SLC12A2: variants seen among roughly 807,000 people sequenced by gnomAD.
SLC12A2 encodes Na-K-2Cl cotransporter 1.
SLC12A2 carries 67 observed loss-of-function variants against 136.3 expected under a neutral mutation model. The observed-to-expected ratio is 0.49, with a 90% CI of 0.40 to 0.60. The LOEUF is 0.60. Ranked by LOEUF, SLC12A2 falls within the 20% of genes least tolerant of loss-of-function variation. The pLI is 0.00. For synonymous variants in SLC12A2, 619 were observed against 562.9 expected (o/e 1.10, Z -1.41); for missense variants, 1,322 against 1,534.7 (o/e 0.86, Z 2.32).
intron 17 of SLC12A2, among the ~76,000 whole-genome samples, chr5:128,163,160 T>C (rs1370108949): frequency 6.6e-6 from 1 of 152,138 alleles, no homozygotes; most frequent in African/African-American, 2.4e-5. Context: ...CCTGCAAATT[T>C]GGTTTGAATA....
At position 128,132,320 on chromosome 5, in the gene SLC12A2, C is replaced by T. The variant is rs913155187; in HGVS notation, c.1188+1114C>T. ...ACTTGTGGAGCGGGAAAGATGTGGGCGAATTTGGGAGATTTTAAAGAATTT... is the reference window on the plus strand; with the variant it reads ...ACTTGTGGAGCGGGAAAGATGTGGGTGAATTTGGGAGATTTTAAAGAATTT... On this transcript the variant is annotated intron_variant, in intron 5 of 26. Transcript: ENST00000262461. Among the ~76,000 whole-genome samples the T allele has an allele frequency of 5.3e-5, 8 of 151,658 alleles. No homozygotes were observed. The East Asian group carries it at 7.8e-4, about 15-fold the overall frequency.
intron 6 of SLC12A2, among the ~76,000 whole-genome samples, chr5:128,135,228 T>C (rs1762147715): frequency 6.6e-6 from 1 of 152,092 alleles, no homozygotes. Flanking sequence ...TATTGTCATC[T>C]TCTTTCTGTA....
At chr5:128,186,083 G>A (rs1208520302) in intron 26 of SLC12A2, among the ~76,000 whole-genome samples, 1 of 151,930 alleles carries the variant, frequency 6.6e-6, no homozygotes, top group Non-Finnish European at 1.5e-5. Flanking sequence ...TATTTTTACT[G>A]TATCTTTTCT....
chr5:128,184,687 G>A (rs746100965), intron 25 of SLC12A2, 102 bp from the exon 26 acceptor site: 10 of 1,562,202 alleles, frequency 6.4e-6, no homozygotes, highest in South Asian at 4.8e-5. Context: ...TTTATTACAC[G>A]AAAATTCATT....
In SLC12A2 at chr5:128,186,423, T is replaced by A. The variant is rs564038871; in HGVS notation, c.3504-73T>A. ...ACTGTTATTGTAATCTACTTTATAA[T>A]TTTTGCTACATTTTATTCTGTAAAT... On this transcript the variant is annotated intron_variant, in intron 26 of 26. Transcript: ENST00000262461. 86 of 1,437,330 alleles carry A rather than the reference T, an allele frequency of 6.0e-5. No homozygotes were observed. In the East Asian group the frequency reaches 1.8e-3, roughly 30 times the overall value. 89.0% of individuals were successfully genotyped at this position (1,437,330 alleles called of 1,614,324 possible).
chr5:128,163,138 C>G (rs1164184564), intron 17 of SLC12A2, among the ~76,000 whole-genome samples: 2 of 152,136 alleles, frequency 1.3e-5, no homozygotes, highest in Non-Finnish European at 2.9e-5. Context: ...GGAAAGCAAC[C>G]TGGCAAAATG....
At position 128,186,926 on chromosome 5, in the gene SLC12A2, T is replaced by C. The variant is rs1763887848; in HGVS notation, c.*295T>C. 1 of 232,248 alleles carries C rather than the reference T, an allele frequency of 4.3e-6. No individual in the cohort carries two copies. Among genetic ancestry groups the C allele is most frequent in the African/African-American group, 2.3e-5 (1 of 44,418 alleles). The allele number at this position is 232,248 out of a possible 1,614,324, so 14.4% of individuals were successfully genotyped here. A position where few individuals can be genotyped will look rare whatever the true frequency, so the allele number is the denominator to read the frequency against. On this transcript the variant is annotated 3_prime_UTR_variant, in exon 27 of 27. Coordinates refer to ENST00000262461, the MANE Select transcript of SLC12A2 (RefSeq NM_001046.3). ...AATAAAAGCGTGTTAACTTTTTGAT[T>C]GATGAAAGAAGTACAAAAAGCCTTT...
chr5:128,171,383 T>C (rs1357530064), intron 18 of SLC12A2, among the ~76,000 whole-genome samples: 1 of 152,112 alleles, frequency 6.6e-6, no homozygotes, highest in Non-Finnish European at 1.5e-5. Context: ...TTTAACTTAG[T>C]AGGATAAAAA....
At chr5:128,174,502 A>G (rs1763480656) in intron 19 of SLC12A2, 39 bp from the exon 20 acceptor site, 1 of 1,481,272 alleles carries the variant, frequency 6.8e-7, no homozygotes, top group East Asian at 2.4e-5. Flanking sequence ...CAGTTAAAAT[A>G]TGACTTAGAT....
intron 4 of SLC12A2, among the ~76,000 whole-genome samples, chr5:128,126,966 A>ATATATATATATATATATATAATTTTTT: frequency 4.7e-5 from 1 of 21,158 alleles, no homozygotes; most frequent in African/African-American, 2.5e-4. Flanking sequence ...ATATATATAT[A>ATATATATATATATATATATAATTTTTT]TTTTTTTTTT....
chr5:128,160,308 C>A (rs1387450197), intron 16 of SLC12A2, among the ~76,000 whole-genome samples: 1 of 152,040 alleles, frequency 6.6e-6, no homozygotes, highest in East Asian at 1.9e-4. Flanking sequence ...TTGATGGGTG[C>A]AGCAAACCAC....
chr5:128,117,156 A>C (rs1299057148), intron 4 of SLC12A2, among the ~76,000 whole-genome samples: 1 of 152,188 alleles, frequency 6.6e-6, no homozygotes, highest in Non-Finnish European at 1.5e-5. Flanking sequence ...TAGAGAAAAA[A>C]TTGATTCCTT....
At chr5:128,141,273 T>C (rs888161627) in intron 9 of SLC12A2, among the ~76,000 whole-genome samples, 2 of 152,184 alleles carry the variant, frequency 1.3e-5, no homozygotes, top group African/African-American at 4.8e-5. Flanking sequence ...CTCTGCTCTA[T>C]GGGTTCTTTT....
chr5:128,137,458 G>A (rs1762222745), intron 7 of SLC12A2, among the ~76,000 whole-genome samples: 1 of 152,028 alleles, frequency 6.6e-6, no homozygotes, highest in South Asian at 2.1e-4. Context: ...CATTGAATTA[G>A]ATTCTCTCTC....
At position 128,100,327 on chromosome 5, in the gene SLC12A2, T is replaced by A. The variant is rs186612764; in HGVS notation, c.757-12487T>A. 1.9e-4 allele frequency among the ~76,000 whole-genome samples: 29 copies of A among 152,212 alleles called. 1 individual carries two copies. The East Asian group carries it at 5.4e-3, about 28-fold the overall frequency. On this transcript the variant is annotated intron_variant, in intron 1 of 26. Transcript: ENST00000262461. ...ACCTCTGACCCTCAGTTTCCTTATA[T>A]GAAAAATGGGAAAGGTGACAGAGCT... is the stretch of plus-strand genomic sequence containing the variant.
At chr5:128,089,411 A>G (rs917551856) in intron 1 of SLC12A2, among the ~76,000 whole-genome samples, 1 of 152,126 alleles carries the variant, frequency 6.6e-6, no homozygotes, top group African/African-American at 2.4e-5. Flanking sequence ...AAAAAATAGT[A>G]GTACAGCTCA....
At chr5:128,096,571 A>T (rs550128835) in intron 1 of SLC12A2, among the ~76,000 whole-genome samples, 2 of 152,206 alleles carry the variant, frequency 1.3e-5, no homozygotes, top group Admixed American at 1.3e-4. Context: ...AGTTTAAAAT[A>T]AAACCGTCAT....
chr5:128,163,585 A>G (rs1028368176), intron 17 of SLC12A2, among the ~76,000 whole-genome samples: 3 of 152,184 alleles, frequency 2.0e-5, no homozygotes, highest in Non-Finnish European at 4.4e-5. Context: ...AAGAATCGGA[A>G]GTAACAACCA....
At chr5:128,119,239 G>A (rs1761464339) in intron 4 of SLC12A2, among the ~76,000 whole-genome samples, 1 of 152,008 alleles carries the variant, frequency 6.6e-6, no homozygotes, top group Non-Finnish European at 1.5e-5. Flanking sequence ...AGTGATGTCT[G>A]GTGAACCCAT....
Sources: allele counts gnomAD v4.1 joint callset (sites outside exome capture counted in the v4.1 genomes callset), GRCh38; gene constraint gnomAD v4.1.1; transcripts MANE v1.5; gene names NCBI Gene and HGNC (gene_info 2026-07-23, HGNC 2026-07-21).